The following EBF2 variants were observed in gnomAD, a reference collection of about 807,000 sequenced individuals.
EBF2 encodes the protein EBF transcription factor 2.
Under a neutral mutation model 72.8 loss-of-function variants are expected in EBF2, and 21 were observed. The observed-to-expected ratio is 0.29, with a 90% CI of 0.20 to 0.42. EBF2 has a LOEUF of 0.42. Ranked by LOEUF, EBF2 falls within the 10% of genes least tolerant of loss-of-function variation. The pLI, the probability that EBF2 is intolerant of heterozygous loss-of-function variation, is 1.00. For synonymous variants in EBF2, 299 were observed against 274.2 expected, an observed-to-expected ratio of 1.09 and a Z score of -0.89; for missense variants, 637 against 731.2, an observed-to-expected ratio of 0.87 and a Z score of 1.49.
intron 6 of EBF2, among the ~76,000 whole-genome samples, chr8:25,920,846 C>A (rs183452155): frequency 2.0e-5 from 3 of 151,618 alleles, no homozygotes; most frequent in African/African-American, 7.3e-5. Context: ...TCTCACCTAT[C>A]TTTGCTCTCT....
chr8:25,914,948 A>G (rs1450812069), intron 6 of EBF2, among the ~76,000 whole-genome samples: 2 of 152,216 alleles, frequency 1.3e-5, no homozygotes, highest in Non-Finnish European at 2.9e-5. Flanking sequence ...ACTTTACAGA[A>G]ATGTTTTAAG....
intron 7 of EBF2, among the ~76,000 whole-genome samples, chr8:25,904,707 C>T (rs1055961002): frequency 7.9e-5 from 12 of 152,180 alleles, no homozygotes; most frequent in Non-Finnish European, 1.8e-4. Flanking sequence ...TATGCACTCT[C>T]TCTGGTTTTG....
At chr8:25,952,636 TC>T (rs1019738909) in intron 6 of EBF2, among the ~76,000 whole-genome samples, 6 of 151,910 alleles carry the variant, frequency 3.9e-5, no homozygotes, top group African/African-American at 1.5e-4. Context: ...TTTGCTAATC[TC>T]CCCCCTACAC....
intron 6 of EBF2, among the ~76,000 whole-genome samples, chr8:25,950,658 G>T (rs536685134): frequency 3.0e-4 from 45 of 152,310 alleles, no homozygotes; most frequent in African/African-American, 9.9e-4. Context: ...GGAGGAATGG[G>T]TTAAAGTCTG....
rs146289622 is a variant in EBF2, at chr8:26,037,282, A to G, written c.482+2746T>C. 2.0e-3 allele frequency among the ~76,000 whole-genome samples: 309 copies of G among 152,300 alleles called. 2 individuals are homozygous for G. Among genetic ancestry groups the G allele is most frequent in the African/African-American group, 7.2e-3 (298 of 41,570 alleles). On this transcript the variant is annotated intron_variant, in intron 5 of 15. Transcript: ENST00000520164. ...ATAAAAGATGGCTGGGGAAGGGGAA[A>G]AAGCCCCAGCCTTGGACAGAGAGTG... is the stretch of plus-strand genomic sequence containing the variant.
rs267601874 is a variant in EBF2, at chr8:25,887,929, G to A, written c.795C>T (p.Thr265=). The part of the protein sequence containing the change: ...IKAISPSEGW[T]TGGAMVIIIG... ...TGATGATGACCATGGCTCCTCCTGT[G>A]GTCCAGCCTTCACTCGGGCTAATGG... Residue 265 remains threonine, a synonymous_variant, in exon 9 of 16, where the codon ACC becomes ACT. Coordinates refer to ENST00000520164, the MANE Select transcript of EBF2 (RefSeq NM_022659.4). The A allele has an allele frequency of 9.9e-6, 16 of 1,613,528 alleles. No individual in the cohort carries two copies. Among genetic ancestry groups the A allele is most frequent in the Non-Finnish European group, 1.3e-5 (15 of 1,179,832 alleles).
intron 6 of EBF2, among the ~76,000 whole-genome samples, chr8:25,953,801 G>C (rs1803900197): frequency 1.3e-5 from 2 of 152,162 alleles, no homozygotes; most frequent in South Asian, 4.1e-4. Flanking sequence ...CCCTAGTTAG[G>C]GCAACATCAC....
At chr8:25,908,009 C>T (rs544640960) in intron 7 of EBF2, among the ~76,000 whole-genome samples, 2 of 152,326 alleles carry the variant, frequency 1.3e-5, no homozygotes, top group South Asian at 2.1e-4. Flanking sequence ...TGTCACGCTG[C>T]GATCTTAAAG....
In EBF2 at chr8:25,947,091, A is replaced by G. The variant is rs546920231; in HGVS notation, c.552-38536T>C. On this transcript the variant is annotated intron_variant, in intron 6 of 15. Transcript: ENST00000520164. ...CTCCAGGCTGTCTCCCCGATGCTCA[A>G]CCCATGACCCACTGATATGGTTTAG... 3.9e-5 allele frequency among the ~76,000 whole-genome samples: 6 copies of G among 152,114 alleles called. No individual in the cohort carries two copies. In the South Asian group the frequency reaches 1.2e-3, roughly 32 times the overall value.
At chr8:25,967,514 G>T (rs1346195697) in intron 6 of EBF2, among the ~76,000 whole-genome samples, 1 of 152,170 alleles carries the variant, frequency 6.6e-6, no homozygotes. Context: ...CAAAGCCTAT[G>T]TTATAATAAA....
chr8:25,861,258 A>G (rs1173828379), intron 12 of EBF2, 32 bp from the exon 13 acceptor site: 1 of 1,613,856 alleles, frequency 6.2e-7, no homozygotes, highest in South Asian at 1.1e-5. Context: ...TGAGCATTCT[A>G]TCCAGCATAA....
chr8:25,922,970 T>G (rs1352491469), intron 6 of EBF2, among the ~76,000 whole-genome samples: 1 of 140,068 alleles, frequency 7.1e-6, no homozygotes, highest in South Asian at 2.3e-4. Context: ...AAAAAAAAAA[T>G]TCATCCGTTG....
chr8:25,949,025 C>T (rs2117166434), intron 6 of EBF2, among the ~76,000 whole-genome samples: 1 of 152,302 alleles, frequency 6.6e-6, no homozygotes, highest in Admixed American at 6.5e-5. Flanking sequence ...CAAATGTTTG[C>T]AGTCATCATC....
intron 10 of EBF2, among the ~76,000 whole-genome samples, chr8:25,865,882 G>T (rs556298665): frequency 2.6e-5 from 4 of 151,726 alleles, no homozygotes; most frequent in African/African-American, 9.7e-5. Context: ...AAAATTAGCC[G>T]GGCGTGGTGG....
At chr8:25,970,258 C>G (rs1165148603) in intron 6 of EBF2, among the ~76,000 whole-genome samples, 1 of 152,166 alleles carries the variant, frequency 6.6e-6, no homozygotes, top group Admixed American at 6.5e-5. Flanking sequence ...CCATCCTAGG[C>G]TGGTACCAAA....
intron 6 of EBF2, among the ~76,000 whole-genome samples, chr8:25,952,367 ATTATT>A (rs1206448632): frequency 9.2e-5 from 14 of 152,110 alleles, no homozygotes; most frequent in African/African-American, 3.1e-4. Flanking sequence ...TAATTATTTT[ATTATT>A]TTATCTATTT....
intron 5 of EBF2, among the ~76,000 whole-genome samples, chr8:26,036,928 AAG>A (rs1398041206): frequency 6.6e-6 from 1 of 152,132 alleles, no homozygotes; most frequent in Non-Finnish European, 1.5e-5. Context: ...AAATAAAACA[AAG>A]AGAAGAGGAA....
chr8:25,856,661 C>T (rs1176305170), intron 14 of EBF2, among the ~76,000 whole-genome samples: 2 of 152,160 alleles, frequency 1.3e-5, no homozygotes, highest in African/African-American at 4.8e-5. Flanking sequence ...CTTGCCACTG[C>T]ATCATGTTTA....
intron 6 of EBF2, among the ~76,000 whole-genome samples, chr8:26,024,083 C>T (rs1294281290): frequency 2.0e-5 from 3 of 152,316 alleles, no homozygotes; most frequent in African/African-American, 4.8e-5. Context: ...CTCTTACTGT[C>T]TCTCGTCACA....
Sources: gnomAD v4.1 joint callset for allele counts (sites outside exome capture counted in the v4.1 genomes callset) on GRCh38, gnomAD v4.1.1 for gene constraint, MANE v1.5 for transcripts, NCBI Gene and HGNC (gene_info 2026-07-23, HGNC 2026-07-21) for gene names.